The following ADAMTS19 variants were observed in gnomAD, a reference collection of about 807,000 sequenced individuals.
ADAMTS19 encodes A disintegrin and metalloproteinase with thrombospondin motifs 19.
Under a neutral mutation model 153.3 loss-of-function variants are expected in ADAMTS19, and 93 were observed. The ratio of observed to expected loss-of-function variants is 0.61; its 90% CI spans 0.51 to 0.72. ADAMTS19 has a LOEUF of 0.72. Ranked by LOEUF, ADAMTS19 falls within the 30% of genes least tolerant of loss-of-function variation. The pLI, the probability that ADAMTS19 is intolerant of heterozygous loss-of-function variation, is 0.00. For synonymous variants in ADAMTS19, 600 were observed against 556.6 expected (o/e 1.08, Z -1.10); for missense variants, 1,482 against 1,552.1 (o/e 0.95, Z 0.76).
chr5:129,541,327 A>G (rs1752646714), intron 6 of ADAMTS19, among the ~76,000 whole-genome samples: 1 of 151,992 alleles, frequency 6.6e-6, no homozygotes, highest in Non-Finnish European at 1.5e-5. Flanking sequence ...CATGTTTCAC[A>G]TTATGTAAAT....
intron 7 of ADAMTS19, among the ~76,000 whole-genome samples, chr5:129,562,822 A>G (rs1261077625): frequency 6.6e-6 from 1 of 152,020 alleles, no homozygotes; most frequent in Non-Finnish European, 1.5e-5. Context: ...TCCCAGCTCT[A>G]TGATGCTCTG....
At chr5:129,552,079 A>G (rs554607371) in intron 7 of ADAMTS19, among the ~76,000 whole-genome samples, 172 bp downstream of exon 7, 1 of 152,056 alleles carries the variant, frequency 6.6e-6, no homozygotes, top group East Asian at 1.9e-4. Context: ...AGTGTAAAAG[A>G]CATGTATCAA....
At chr5:129,479,934 G>A (rs1750354227) in intron 2 of ADAMTS19, among the ~76,000 whole-genome samples, 1 of 152,092 alleles carries the variant, frequency 6.6e-6, no homozygotes, top group Admixed American at 6.6e-5. Flanking sequence ...AAAAAAACAA[G>A]CTTTTTGGGT....
intron 9 of ADAMTS19, 97 bp downstream of exon 9, chr5:129,620,855 C>A: frequency 7.5e-7 from 1 of 1,328,322 alleles, no homozygotes; most frequent in Non-Finnish European, 1.0e-6. Flanking sequence ...GGAAAGGCCA[C>A]CAGAGTAAAA....
At chr5:129,541,734 A>G (rs1176305429) in intron 6 of ADAMTS19, among the ~76,000 whole-genome samples, 1 of 152,016 alleles carries the variant, frequency 6.6e-6, no homozygotes, top group African/African-American at 2.4e-5. Flanking sequence ...CTTATTTAGT[A>G]CATGGCATAT....
Position 129,461,177 on chromosome 5 carries a change from C to G in ADAMTS19, c.167C>G (p.Pro56Arg). 4.4e-6 allele frequency: 6 copies of G among 1,371,382 alleles called. No individual in the cohort carries two copies. The highest frequency in any genetic ancestry group is 2.7e-4 in the Middle Eastern group (1 of 3,698). The allele number at this position is 1,371,382 out of a possible 1,614,324, so 85.0% of individuals were successfully genotyped here. ...CTCTGGCGCCGGGAGCCGGTGGACC[C>G]GGCTGGCGGCAGCGGGGGCAGCGCG... is the stretch of plus-strand genomic sequence containing the variant. Reference protein sequence around the residue: ...PALWRREPVDPAGGSGGSADP... With the variant: ...PALWRREPVDRAGGSGGSADP... The change falls in exon 2 of 23, where the codon CCG becomes CGG. Residue 56 changes from proline to arginine, a missense_variant. Pro to Arg is a moderately radical substitution (Grantham distance 103). This residue lies in a region of ADAMTS19 where 866 missense variants were observed against 827.7 expected (regional missense o/e 1.05). Transcript: ENST00000274487. This position sits in a 1 kb window ranked among gnomAD's most constrained non-coding sequence, Gnocchi z 4.6.
At chr5:129,511,263 A>C (rs1438643334) in intron 3 of ADAMTS19, among the ~76,000 whole-genome samples, 1 of 151,744 alleles carries the variant, frequency 6.6e-6, no homozygotes, top group Admixed American at 6.6e-5. Context: ...GTTTATATGT[A>C]TTGCTTACAT....
chr5:129,661,787 G>T (rs2127073840), intron 15 of ADAMTS19, among the ~76,000 whole-genome samples: 1 of 152,246 alleles, frequency 6.6e-6, no homozygotes, highest in South Asian at 2.1e-4. Flanking sequence ...AAGAAAATGG[G>T]CATAAAAAAT....
chr5:129,551,778 C>A, intron 6 of ADAMTS19, 86 bp from the exon 7 acceptor site: 1 of 764,280 alleles, frequency 1.3e-6, no homozygotes, highest in Admixed American at 2.8e-5. Flanking sequence ...TTCAATTAAT[C>A]ATATAACTAT....
chr5:129,709,807 A>G (rs1756353896), intron 21 of ADAMTS19, among the ~76,000 whole-genome samples: 1 of 152,162 alleles, frequency 6.6e-6, no homozygotes, highest in East Asian at 1.9e-4. Flanking sequence ...AATACAAGTG[A>G]CTTGATTTGC....
chr5:129,508,173 G>A (rs1751325169), intron 2 of ADAMTS19, among the ~76,000 whole-genome samples: 1 of 151,784 alleles, frequency 6.6e-6, no homozygotes, highest in African/African-American at 2.4e-5. Context: ...AGCAGATTGG[G>A]TATTAGTAAT....
chr5:129,688,523 AAACTT>A lies in ADAMTS19; in HGVS notation c.2818+4252_2818+4256del, dbSNP rs539197022. Among the ~76,000 whole-genome samples the A allele has an allele frequency of 2.5e-3, 380 of 152,260 alleles. 1 individual carries two copies. Among genetic ancestry groups the A allele is most frequent in the African/African-American group, 8.8e-3 (367 of 41,562 alleles). Reference sequence around the variant, plus strand: ...AAGTTTTAAAATGGTAACTCAAACTAAACTTATTTCAAATATGTATTTATTATTGT... The same window carrying A: ...AAGTTTTAAAATGGTAACTCAAACTAATTTCAAATATGTATTTATTATTGT... On this transcript the variant is annotated intron_variant, in intron 18 of 22. Coordinates refer to ENST00000274487, the MANE Select transcript of ADAMTS19 (RefSeq NM_133638.6).
chr5:129,734,792 A>T (rs1234701300), intron 21 of ADAMTS19, 140 bp from the exon 22 acceptor site: 1 of 706,032 alleles, frequency 1.4e-6, no homozygotes, highest in Non-Finnish European at 2.2e-6. Context: ...TTTCTGACCC[A>T]TGTTTTGCAT....
intron 8 of ADAMTS19, among the ~76,000 whole-genome samples, chr5:129,600,206 C>T (rs1466904794): frequency 6.6e-6 from 1 of 151,984 alleles, no homozygotes; most frequent in African/African-American, 2.4e-5. Flanking sequence ...TATGTGCATG[C>T]ACCCGTACAC....
intron 20 of ADAMTS19, among the ~76,000 whole-genome samples, chr5:129,701,806 C>G (rs917812651): frequency 6.6e-6 from 1 of 152,006 alleles, no homozygotes; most frequent in African/African-American, 2.4e-5. Context: ...GCAACATAAT[C>G]AAGGGCATAT....
At chr5:129,674,407 A>G (rs1447708016) in intron 16 of ADAMTS19, among the ~76,000 whole-genome samples, 1 of 152,096 alleles carries the variant, frequency 6.6e-6, no homozygotes, top group African/African-American at 2.4e-5. Flanking sequence ...GTCCACTTAA[A>G]CATAATATAA....
intron 18 of ADAMTS19, among the ~76,000 whole-genome samples, chr5:129,684,961 T>C (rs979375287): frequency 6.8e-6 from 1 of 147,926 alleles, no homozygotes; most frequent in Non-Finnish European, 1.5e-5. Flanking sequence ...CACTCCAGCC[T>C]CAGTGGCAAA....
At chr5:129,581,497 C>T (rs1171766464) in intron 7 of ADAMTS19, among the ~76,000 whole-genome samples, 1 of 149,180 alleles carries the variant, frequency 6.7e-6, no homozygotes, top group Non-Finnish European at 1.5e-5. Flanking sequence ...CTCTTTTCTT[C>T]TTTCTTTATC....
At chr5:129,532,117 G>A (rs10056643) in intron 6 of ADAMTS19, among the ~76,000 whole-genome samples, 45,664 of 151,728 alleles carry the variant, frequency 0.3, 9,970 homozygotes, top group African/African-American at 0.62. Flanking sequence ...CTTAGATAGG[G>A]TAAAAAAAAG....
Sources: gnomAD v4.1 joint callset for allele counts (sites outside exome capture counted in the v4.1 genomes callset) on GRCh38, gnomAD v4.1.1 for gene constraint, gnomAD v4.1.1 regional missense constraint, Gnocchi (gnomAD v3.1) non-coding constraint, MANE v1.5 for transcripts, NCBI Gene and HGNC (gene_info 2026-07-23, HGNC 2026-07-21) for gene names.